CSNK1A1: variants seen among roughly 807,000 people sequenced by gnomAD.
CSNK1A1 encodes the protein casein kinase 1 alpha 1.
In CSNK1A1, 7 loss-of-function variants were observed where a neutral mutation model predicts 46.1. That is an observed-to-expected ratio of 0.15 (90% CI 0.09 to 0.29). The LOEUF (loss-of-function observed/expected upper bound fraction) is 0.29. Ranked by LOEUF, CSNK1A1 falls within the 10% of genes least tolerant of loss-of-function variation. CSNK1A1 has a pLI of 1.00. For missense variants in CSNK1A1, 96 were observed against 417.1 expected (o/e 0.23, Z 6.71); for synonymous variants, 137 against 141.5 (o/e 0.97, Z 0.23).
chr5:149,507,692 G>T (rs906732274), intron 7 of CSNK1A1, among the ~76,000 whole-genome samples: 2 of 151,996 alleles, frequency 1.3e-5, no homozygotes, highest in Non-Finnish European at 2.9e-5. Context: ...TCAAATTCCC[G>T]AGCTCAAGAG....
intron 2 of CSNK1A1, among the ~76,000 whole-genome samples, chr5:149,534,775 TAAA>T (rs751954626): frequency 3.4e-5 from 5 of 149,162 alleles, no homozygotes; most frequent in African/African-American, 4.9e-5. Flanking sequence ...CTATGAAAAA[TAAA>T]AAATTAGCCA....
intron 9 of CSNK1A1, among the ~76,000 whole-genome samples, chr5:149,500,434 G>C (rs1395515641): frequency 6.6e-6 from 1 of 151,736 alleles, no homozygotes; most frequent in African/African-American, 2.4e-5. Flanking sequence ...ACCGCGCCCG[G>C]CCCCAGCTAC....
intron 9 of CSNK1A1, chr5:149,498,693 C>G (rs1434431774): frequency 1.0e-6 from 1 of 985,212 alleles, no homozygotes; most frequent in Admixed American, 6.1e-5. Context: ...ATTTTCACAA[C>G]TACTAAAATT....
intron 2 of CSNK1A1, among the ~76,000 whole-genome samples, chr5:149,530,010 G>A (rs933672783): frequency 1.3e-5 from 2 of 151,870 alleles, no homozygotes; most frequent in African/African-American, 2.4e-5. Context: ...GAATATTCCA[G>A]AATAAATCAG....
rs913348384 is a variant in CSNK1A1, at chr5:149,525,320, A to G, written c.231-149T>C. 9 of 821,238 alleles carry G rather than the reference A, an allele frequency of 1.1e-5. No homozygotes were observed. Among genetic ancestry groups the G allele is most frequent in the Admixed American group, 3.4e-5 (1 of 29,102 alleles). The allele number at this position is 821,238 out of a possible 1,614,324, so 50.9% of individuals were successfully genotyped here. ...CAGAAGACAAACCCACTAATTAACT[A>G]CAAGGCCCAAAGACAAAACAAGGGT... On this transcript the variant is annotated intron_variant, in intron 2 of 9. Coordinates refer to ENST00000377843, the MANE Select transcript of CSNK1A1 (RefSeq NM_001892.6). The surrounding 1 kb of genome is among the most constrained non-coding windows in gnomAD (Gnocchi z 4.2).
At chr5:149,515,499 A>G (rs1257428441) in intron 4 of CSNK1A1, among the ~76,000 whole-genome samples, 1 of 152,232 alleles carries the variant, frequency 6.6e-6, no homozygotes, top group Non-Finnish European at 1.5e-5. Flanking sequence ...CAATCTAAAA[A>G]CAAAAATCTA....
chr5:149,513,276 T>A, intron 4 of CSNK1A1, 67 bp from the exon 5 acceptor site: 1 of 1,409,500 alleles, frequency 7.1e-7, no homozygotes, highest in Non-Finnish European at 9.8e-7. Context: ...TCTTATTCAT[T>A]AAATGGTATC....
At chr5:149,522,956 T>A (rs1580839955) in intron 3 of CSNK1A1, among the ~76,000 whole-genome samples, 2 of 152,176 alleles carry the variant, frequency 1.3e-5, no homozygotes, top group African/African-American at 4.8e-5. Flanking sequence ...AATGTATGGA[T>A]GCTTACGTGT....
rs886147836 is a variant in CSNK1A1, at chr5:149,507,017, A to G, written c.857+10T>C. 2 of 1,603,212 alleles carry G rather than the reference A, an allele frequency of 1.2e-6. No individual in the cohort carries two copies. The highest frequency in any genetic ancestry group is 1.7e-6 in the Non-Finnish European group (2 of 1,173,900). ...AGAGTTTATAATCTTAAAATACCTT[A>G]AAAACTGACCTGAAAAGAATGCGGA... On this transcript the variant is annotated intron_variant, in intron 8 of 9. Transcript: ENST00000377843.
rs777583977 is a variant in CSNK1A1 at position 149,525,144 on chromosome 5, A to G, written c.258T>C (p.Asn86=). The G allele has an allele frequency of 6.2e-7, 1 of 1,611,714 alleles. No homozygotes were observed. The highest frequency in any genetic ancestry group is 1.1e-5 in the South Asian group (1 of 90,604). Residue 86 remains asparagine, a synonymous_variant, in exon 3 of 10, where the codon AAT becomes AAC. Coordinates refer to ENST00000377843, the MANE Select transcript of CSNK1A1 (RefSeq NM_001892.6). This position sits in a 1 kb window ranked among gnomAD's most constrained non-coding sequence, Gnocchi z 4.2. The part of the protein sequence containing the change: ...IRWYGQEKDY[N]VLVMDLLGPS... ...GTCCCAGAAGATCCATGACTAGTAC[A>G]TTGTAGTCTTTTTCCTGACCATACC...
At chr5:149,532,406 T>C (rs937187985) in intron 2 of CSNK1A1, among the ~76,000 whole-genome samples, 1 of 151,540 alleles carries the variant, frequency 6.6e-6, no homozygotes, top group Non-Finnish European at 1.5e-5. Flanking sequence ...AAATCTGCGA[T>C]TTCTAGCTGG....
intron 3 of CSNK1A1, among the ~76,000 whole-genome samples, chr5:149,524,795 T>A (rs1325825091): frequency 6.6e-6 from 1 of 152,196 alleles, no homozygotes; most frequent in African/African-American, 2.4e-5. Context: ...CTGCTACATA[T>A]GACACTAAAA....
intron 9 of CSNK1A1, chr5:149,497,252 T>C (rs974482651): frequency 7.0e-6 from 7 of 997,928 alleles, no homozygotes; most frequent in East Asian, 1.1e-4. Context: ...AATCCTACCA[T>C]AGGCACAAAT....
At chr5:149,545,267 T>C (rs897163306) in intron 2 of CSNK1A1, 12 of 235,068 alleles carry the variant, frequency 5.1e-5, no homozygotes, top group South Asian at 2.8e-4. Flanking sequence ...TCTTTTTTTT[T>C]CCCCTGCCTC....
chr5:149,498,182 A>T, intron 9 of CSNK1A1: 1 of 985,092 alleles, frequency 1.0e-6, no homozygotes, highest in South Asian at 4.7e-5. Flanking sequence ...GCTTTGTGGG[A>T]GAAACAAAAT....
At chr5:149,505,038 G>T in intron 9 of CSNK1A1, 1 of 987,026 alleles carries the variant, frequency 1.0e-6, no homozygotes, top group Non-Finnish European at 1.2e-6. Flanking sequence ...CTGAAATAAA[G>T]TCAAAATATG....
chr5:149,519,691 A>T (rs1178766845), intron 4 of CSNK1A1, among the ~76,000 whole-genome samples: 1 of 152,136 alleles, frequency 6.6e-6, no homozygotes, highest in African/African-American at 2.4e-5. Flanking sequence ...CTTTAAAGGG[A>T]GAGGGAGGGG....
At chr5:149,549,363 G>A (rs1444262370) in intron 2 of CSNK1A1, 12 of 654,268 alleles carry the variant, frequency 1.8e-5, no homozygotes, top group Non-Finnish European at 2.6e-5. Flanking sequence ...GAACTACGAA[G>A]GATTTTACAT....
At chr5:149,544,220 CTTTT>C (rs889388389) in intron 2 of CSNK1A1, among the ~76,000 whole-genome samples, 2 of 152,072 alleles carry the variant, frequency 1.3e-5, no homozygotes, top group African/African-American at 4.8e-5. Context: ...TAGAACAATC[CTTTT>C]TTTATGTTCT....
Sources: allele counts gnomAD v4.1 joint callset (sites outside exome capture counted in the v4.1 genomes callset), GRCh38; gene constraint gnomAD v4.1.1; non-coding constraint Gnocchi (gnomAD v3.1); transcripts MANE v1.5; gene names NCBI Gene and HGNC (gene_info 2026-07-23, HGNC 2026-07-21).